NKAIN2: variants seen among roughly 807,000 people sequenced by gnomAD.
NKAIN2 encodes sodium/potassium transporting ATPase interacting 2.
Under a neutral mutation model 32.6 loss-of-function variants are expected in NKAIN2, and 14 were observed. The ratio of observed to expected loss-of-function variants is 0.43; its 90% confidence interval spans 0.28 to 0.67. The LOEUF is 0.67. Ranked by LOEUF, NKAIN2 falls within the 30% of genes least tolerant of loss-of-function variation. The pLI is 0.17. For missense variants in NKAIN2, 198 were observed against 258.3 expected (o/e 0.77, Z 1.60); for synonymous variants, 80 against 87.2 (o/e 0.92, Z 0.46).
At chr6:124,362,706 A>G (rs768903562) in intron 3 of NKAIN2, among the ~76,000 whole-genome samples, 26 of 152,272 alleles carry the variant, frequency 1.7e-4, no homozygotes, top group Non-Finnish European at 2.4e-4. Flanking sequence ...TAAATTCAAA[A>G]TGTCCAAAAT....
intron 1 of NKAIN2, among the ~76,000 whole-genome samples, chr6:123,880,462 C>T (rs1259580574): frequency 2.0e-5 from 3 of 152,130 alleles, no homozygotes; most frequent in Admixed American, 6.6e-5. Context: ...CACGGAAATA[C>T]CTGCATGGGA....
chr6:124,070,937 G>A (rs1783432495), intron 1 of NKAIN2, among the ~76,000 whole-genome samples: 1 of 152,208 alleles, frequency 6.6e-6, no homozygotes, highest in African/African-American at 2.4e-5. Context: ...CAGGTTGGAA[G>A]TGAATGCATT....
chr6:124,273,411 T>C (rs1337381737), intron 1 of NKAIN2, among the ~76,000 whole-genome samples: 1 of 152,204 alleles, frequency 6.6e-6, no homozygotes, highest in East Asian at 1.9e-4. Context: ...CTTTCTACCA[T>C]GATTATAAGT....
chr6:123,946,034 G>T (rs1278255470), intron 1 of NKAIN2, among the ~76,000 whole-genome samples: 1 of 151,960 alleles, frequency 6.6e-6, no homozygotes, highest in African/African-American at 2.4e-5. Flanking sequence ...TGGCATTGGA[G>T]AATAATGTAT....
At chr6:124,595,493 C>T (rs1782051091) in intron 3 of NKAIN2, among the ~76,000 whole-genome samples, 1 of 152,180 alleles carries the variant, frequency 6.6e-6, no homozygotes. Context: ...TTTAATCTTA[C>T]TTGAAGATCT....
chr6:124,528,405 T>C (rs893921505), intron 3 of NKAIN2, among the ~76,000 whole-genome samples: 4 of 152,246 alleles, frequency 2.6e-5, no homozygotes, highest in Non-Finnish European at 5.9e-5. Context: ...TTTTGTCTTT[T>C]TAAGTAAACA....
intron 1 of NKAIN2, among the ~76,000 whole-genome samples, chr6:124,172,678 G>T (rs1216272603): frequency 6.6e-6 from 1 of 152,066 alleles, no homozygotes; most frequent in Non-Finnish European, 1.5e-5. Flanking sequence ...TAAACTTATG[G>T]AATCATTACT....
At chr6:124,775,519 A>G (rs1219169090) in intron 4 of NKAIN2, among the ~76,000 whole-genome samples, 1 of 152,252 alleles carries the variant, frequency 6.6e-6, no homozygotes, top group Non-Finnish European at 1.5e-5. Context: ...GATTTTGACC[A>G]TCCAGAGAAC....
chr6:124,191,947 G>T (rs1790040674), intron 1 of NKAIN2, among the ~76,000 whole-genome samples: 1 of 151,892 alleles, frequency 6.6e-6, no homozygotes, highest in African/African-American at 2.4e-5. Flanking sequence ...TCTGTAAATG[G>T]TATTCCAAAA....
intron 1 of NKAIN2, among the ~76,000 whole-genome samples, chr6:124,178,289 C>T (rs567354951): frequency 4.5e-5 from 6 of 134,796 alleles, no homozygotes; most frequent in Admixed American, 8.4e-5. Flanking sequence ...TGGATTTAGA[C>T]GTACATTAAC....
intron 4 of NKAIN2, among the ~76,000 whole-genome samples, chr6:124,700,402 T>C (rs1217015290): frequency 6.6e-6 from 1 of 152,170 alleles, no homozygotes; most frequent in African/African-American, 2.4e-5. Flanking sequence ...TCAGCAACTT[T>C]TTGCCAAAGC....
At chr6:123,848,349 A>G (rs1465175055) in intron 1 of NKAIN2, among the ~76,000 whole-genome samples, 1 of 152,144 alleles carries the variant, frequency 6.6e-6, no homozygotes, top group Non-Finnish European at 1.5e-5. Context: ...TCCCCACCCA[A>G]ATCTCATCTT....
chr6:124,101,569 G>T (rs551537269), intron 1 of NKAIN2, among the ~76,000 whole-genome samples: 1 of 151,538 alleles, frequency 6.6e-6, no homozygotes, highest in South Asian at 2.1e-4. Context: ...ACAAAGCAGG[G>T]TTTTTTTTGT....
chr6:124,024,056 G>A (rs925593332), intron 1 of NKAIN2, among the ~76,000 whole-genome samples: 9 of 151,810 alleles, frequency 5.9e-5, no homozygotes, highest in Non-Finnish European at 1.3e-4. Context: ...GGGTGCAATT[G>A]GTTAAAAAAA....
intron 3 of NKAIN2, among the ~76,000 whole-genome samples, chr6:124,471,907 T>A (rs1776989649): frequency 6.6e-6 from 1 of 152,172 alleles, no homozygotes. Context: ...GAATTTTTAA[T>A]GGATAATTAT....
At chr6:123,931,296 TG>T (rs1776241294) in intron 1 of NKAIN2, among the ~76,000 whole-genome samples, 1 of 152,190 alleles carries the variant, frequency 6.6e-6, no homozygotes, top group South Asian at 2.1e-4. Context: ...ATTTAATTCT[TG>T]GTCCCTTTTT....
chr6:124,536,053 C>G (rs909788117), intron 3 of NKAIN2, among the ~76,000 whole-genome samples: 1 of 152,148 alleles, frequency 6.6e-6, no homozygotes, highest in Non-Finnish European at 1.5e-5. Flanking sequence ...CGTGGAGCCA[C>G]GCAGAAGAGG....
intron 1 of NKAIN2, among the ~76,000 whole-genome samples, chr6:124,207,028 A>C (rs1181335120): frequency 6.6e-6 from 1 of 151,638 alleles, no homozygotes; most frequent in Non-Finnish European, 1.5e-5. Context: ...AGCTAAATAC[A>C]TTAAATTATG....
At chr6:124,348,829 G>A (rs894522639) in intron 2 of NKAIN2, among the ~76,000 whole-genome samples, 1 of 152,134 alleles carries the variant, frequency 6.6e-6, no homozygotes, top group Non-Finnish European at 1.5e-5. Context: ...GGGTCAGGGA[G>A]TTCCCTTTCC....
Sources: allele counts gnomAD v4.1 joint callset (sites outside exome capture counted in the v4.1 genomes callset), GRCh38; gene constraint gnomAD v4.1.1; transcripts MANE v1.5; gene names NCBI Gene and HGNC (gene_info 2026-07-23, HGNC 2026-07-21).